Variants in SOX5 observed in about 807,000 individuals in gnomAD.
SOX5 encodes the protein SRY-box transcription factor 5, also known as transcription factor SOX-5.
A neutral mutation model predicts 92.0 loss-of-function variants in SOX5; 9 were observed. The ratio of observed to expected loss-of-function variants is 0.10; its 90% CI spans 0.06 to 0.17. The LOEUF is 0.17. Among genes scored for constraint, SOX5 ranks in the 10% least tolerant of loss-of-function variants. SOX5 has a pLI of 1.00. For missense variants in SOX5, 642 were observed against 944.5 expected (o/e 0.68, Z 4.20); for synonymous variants, 344 against 336.3 (o/e 1.02, Z -0.25).
chr12:24,502,664 C>T (rs151336504), intron 1 of SOX5, among the ~76,000 whole-genome samples: 2 of 152,164 alleles, frequency 1.3e-5, no homozygotes, highest in African/African-American at 4.8e-5. Flanking sequence ...CGAGAAGAAG[C>T]AAATATTTGC....
intron 1 of SOX5, among the ~76,000 whole-genome samples, chr12:24,445,402 T>C (rs1941320591): frequency 6.6e-6 from 1 of 152,196 alleles, no homozygotes; most frequent in African/African-American, 2.4e-5. Context: ...AATTTCATTG[T>C]GACAGACTAT....
intron 4 of SOX5, among the ~76,000 whole-genome samples, chr12:23,985,599 T>A (rs1198877655): frequency 2.0e-5 from 3 of 152,026 alleles, no homozygotes; most frequent in Non-Finnish European, 4.4e-5. Context: ...CAATGCTAAG[T>A]GAAGAGCCTT....
chr12:24,472,332 T>C (rs1248709082), intron 1 of SOX5, among the ~76,000 whole-genome samples: 1 of 152,166 alleles, frequency 6.6e-6, no homozygotes, highest in Non-Finnish European at 1.5e-5. Flanking sequence ...CCTTTCATCT[T>C]TTCCCCTCAC....
At position 23,849,362 on chromosome 12, in the gene SOX5, C is replaced by T. The variant is rs543022406; in HGVS notation, c.271-3169G>A. ...TTTATTGAATACTTTGTATTAGGCA[C>T]TGCGTAAAGTGCTTTACATGTATTA... is the stretch of plus-strand genomic sequence containing the variant. On this transcript the variant is annotated intron_variant, in intron 2 of 14. Coordinates refer to ENST00000451604, the MANE Select transcript of SOX5 (RefSeq NM_006940.6). 9.2e-5 allele frequency among the ~76,000 whole-genome samples: 14 copies of T among 152,242 alleles called. No individual in the cohort carries two copies. In the South Asian group the frequency reaches 2.9e-3, roughly 32 times the overall value.
chr12:24,401,637 G>A (rs1188250879), intron 1 of SOX5, among the ~76,000 whole-genome samples: 2 of 147,148 alleles, frequency 1.4e-5, no homozygotes, highest in Admixed American at 6.9e-5. Context: ...TTCTGCCCAG[G>A]AGTTGGAAGA....
intron 2 of SOX5, among the ~76,000 whole-genome samples, chr12:23,883,025 C>CA (rs2097015379): frequency 6.6e-6 from 1 of 151,894 alleles, no homozygotes; most frequent in Non-Finnish European, 1.5e-5. Flanking sequence ...ACTAAAAATA[C>CA]AAAAAATAAG....
At chr12:23,966,465 C>T (rs1270553058) in intron 4 of SOX5, among the ~76,000 whole-genome samples, 4 of 114,680 alleles carry the variant, frequency 3.5e-5, no homozygotes, top group African/African-American at 1.5e-4. Flanking sequence ...TAAAGAAATG[C>T]AATGAAGAAA....
At chr12:23,685,848 T>C (rs2087465149) in intron 6 of SOX5, among the ~76,000 whole-genome samples, 1 of 152,144 alleles carries the variant, frequency 6.6e-6, no homozygotes, top group Admixed American at 6.6e-5. Flanking sequence ...CAACATCTGA[T>C]ATAGTTGATA....
intron 2 of SOX5, among the ~76,000 whole-genome samples, chr12:24,342,719 G>A (rs1231752565): frequency 6.6e-6 from 1 of 152,078 alleles, no homozygotes; most frequent in East Asian, 1.9e-4. Flanking sequence ...CCTGACTTTG[G>A]TCTTTCTACC....
intron 6 of SOX5, among the ~76,000 whole-genome samples, chr12:23,671,214 A>G (rs2084726804): frequency 6.6e-6 from 1 of 152,170 alleles, no homozygotes; most frequent in Non-Finnish European, 1.5e-5. Flanking sequence ...TTTAAATTAC[A>G]TACACAAATG....
At chr12:23,640,658 T>C (rs941540933) in intron 8 of SOX5, among the ~76,000 whole-genome samples, 154 bp downstream of exon 8, 16 of 152,172 alleles carry the variant, frequency 1.1e-4, no homozygotes, top group African/African-American at 3.9e-4. Context: ...AGAATCAACA[T>C]TTCAACTTGT....
At chr12:23,884,269 C>T (rs2097034580) in intron 2 of SOX5, among the ~76,000 whole-genome samples, 1 of 152,154 alleles carries the variant, frequency 6.6e-6, no homozygotes, top group African/African-American at 2.4e-5. Flanking sequence ...AAATGCCATA[C>T]AGATATCAAA....
At chr12:24,479,805 G>A (rs1263972579) in intron 1 of SOX5, among the ~76,000 whole-genome samples, 1 of 151,830 alleles carries the variant, frequency 6.6e-6, no homozygotes, top group African/African-American at 2.4e-5. Context: ...AGCGGGGACT[G>A]CAGGCGCCCA....
intron 1 of SOX5, among the ~76,000 whole-genome samples, chr12:23,899,180 C>T (rs550742056): frequency 2.8e-4 from 43 of 152,070 alleles, no homozygotes; most frequent in East Asian, 2.3e-3. Context: ...GAGGCTGAGG[C>T]GGGCAGATCA....
chr12:23,837,873 T>TTATATTTATATAATATATAAGA, intron 3 of SOX5, among the ~76,000 whole-genome samples: 1 of 106,042 alleles, frequency 9.4e-6, no homozygotes, highest in African/African-American at 3.9e-5. Context: ...TAAGATATAT[T>TTATATTTATATAATATATAAGA]TATATTTATA....
At chr12:23,692,252 G>C (rs931372574) in intron 6 of SOX5, among the ~76,000 whole-genome samples, 2 of 151,788 alleles carry the variant, frequency 1.3e-5, no homozygotes, top group Non-Finnish European at 2.9e-5. Context: ...GGCCAACATA[G>C]TGAGACTCCA....
intron 4 of SOX5, among the ~76,000 whole-genome samples, chr12:24,087,464 T>C (rs1404017866): frequency 1.3e-5 from 2 of 152,190 alleles, no homozygotes; most frequent in African/African-American, 2.4e-5. Flanking sequence ...GTAAAACCAA[T>C]AGGGTGCTTT....
At chr12:24,509,922 G>A (rs1224228693) in intron 1 of SOX5, among the ~76,000 whole-genome samples, 1 of 152,186 alleles carries the variant, frequency 6.6e-6, no homozygotes, top group East Asian at 1.9e-4. Flanking sequence ...GGCAATGACT[G>A]ACATTTGCAA....
intron 4 of SOX5, among the ~76,000 whole-genome samples, chr12:24,086,507 TGAGA>T (rs1944013568): frequency 6.6e-6 from 1 of 151,596 alleles, no homozygotes; most frequent in South Asian, 2.1e-4. Flanking sequence ...AGGGAGAGAA[TGAGA>T]AAGAGTAAAC....
Sources: allele counts gnomAD v4.1 joint callset (sites outside exome capture counted in the v4.1 genomes callset), GRCh38; gene constraint gnomAD v4.1.1; transcripts MANE v1.5; gene names NCBI Gene and HGNC (gene_info 2026-07-23, HGNC 2026-07-21).